IL31RA: variants seen among roughly 807,000 people sequenced by gnomAD.
IL31RA encodes the protein interleukin 31 receptor A.
Under a neutral mutation model 83.7 loss-of-function variants are expected in IL31RA, and 66 were observed. That is an observed-to-expected ratio of 0.79 (90% CI 0.65 to 0.97). The LOEUF is 0.97. Among genes scored for constraint, IL31RA ranks in the 50% least tolerant of loss-of-function variants. The probability of loss-of-function intolerance (pLI) is 0.00; values close to 1 mark genes in which losing one functional copy is unlikely to be tolerated. For synonymous variants in IL31RA, 325 were observed against 329.0 expected (o/e 0.99, Z 0.13); for missense variants, 798 against 919.4 (o/e 0.87, Z 1.71).
the IL31RA span, among the ~76,000 whole-genome samples, chr5:55,840,300 T>C: frequency 6.6e-6 from 1 of 152,210 alleles, no homozygotes. Context: ...ATTGGAACTT[T>C]TGAAAATTTT....
At chr5:55,892,395 A>C (rs6895614) in intron 6 of IL31RA, among the ~76,000 whole-genome samples, 4,720 of 152,212 alleles carry the variant, frequency 0.031, 143 homozygotes, top group African/African-American at 0.075. Flanking sequence ...TCTGGGGTCA[A>C]CTTCTGTGCT....
chr5:55,849,367 C>G (rs1031104829), upstream of IL31RA, among the ~76,000 whole-genome samples: 3 of 152,080 alleles, frequency 2.0e-5, no homozygotes, highest in African/African-American at 4.8e-5. Context: ...TATACACAAA[C>G]ACACACATAT....
the IL31RA span, among the ~76,000 whole-genome samples, chr5:55,840,394 C>G: frequency 6.6e-6 from 1 of 152,166 alleles, no homozygotes; most frequent in Non-Finnish European, 1.5e-5. Flanking sequence ...GGAGAGGAAT[C>G]AGTTGTATCA....
chr5:55,900,393 G>A (rs563824124), intron 8 of IL31RA, among the ~76,000 whole-genome samples: 1 of 152,282 alleles, frequency 6.6e-6, no homozygotes, highest in Non-Finnish European at 1.5e-5. Context: ...TAGAAGTTCT[G>A]TGTGCAGCTT....
chr5:55,874,645 A>C (rs1204201270), intron 4 of IL31RA, among the ~76,000 whole-genome samples: 2 of 152,036 alleles, frequency 1.3e-5, no homozygotes, highest in African/African-American at 4.8e-5. Context: ...TTGTAAATGG[A>C]ATTGCTTTCT....
At position 55,868,855 on chromosome 5, in the gene IL31RA, T is replaced by C; in HGVS notation, c.219T>C (p.Thr73=). 6.2e-7 allele frequency: 1 copy of C among 1,611,004 alleles called. No individual in the cohort carries two copies. Among genetic ancestry groups the C allele is most frequent in the Admixed American group, 1.7e-5 (1 of 60,022 alleles). Residue 73 remains threonine (T), a synonymous_variant, in exon 3 of 15, where the codon ACT becomes ACC. Transcript: ENST00000652347. ...VYYYRKNLTC[T]WSPGKETSYT... is the part of the protein sequence containing the mutation. ...ACTATAGGAAAAATTTAACCTGCAC[T>C]TGGAGTCCAGGAAAGGAAACCAGTT...
chr5:55,842,269 A>T, the IL31RA span, among the ~76,000 whole-genome samples: 1 of 152,198 alleles, frequency 6.6e-6, no homozygotes, highest in Non-Finnish European at 1.5e-5. Context: ...ATCCAGGATG[A>T]TCACATTTCG....
intron 5 of IL31RA, among the ~76,000 whole-genome samples, chr5:55,884,538 G>C (rs113043095): frequency 3.7e-4 from 57 of 152,264 alleles, no homozygotes; most frequent in African/African-American, 1.3e-3. Flanking sequence ...GGGCTCAAAC[G>C]ATCCTCCTGC....
In IL31RA at chr5:55,890,072, G is replaced by A. The variant is rs144829917; in HGVS notation, c.709G>A (p.Val237Ile). The change falls in exon 6 of 15, where the codon GTC (valine) becomes ATC (isoleucine). Residue 237 changes from valine to isoleucine, a missense_variant. By Grantham distance (29) the Val-to-Ile change is conservative. Coordinates refer to ENST00000652347, the MANE Select transcript of IL31RA (RefSeq NM_139017.7). ...ATATGTCATAGCTCTGCGATGTGCG[G>A]TCAAGGAGTCAAAGTTCTGGAGTGA... The part of the protein sequence containing the change: ...TEYVIALRCA[V>I]KESKFWSDWS... The A allele has an allele frequency of 2.6e-4, 414 of 1,613,892 alleles. 1 individual carries two copies. The highest frequency in any genetic ancestry group is 8.5e-4 in the Admixed American group (51 of 59,992).
rs775665297 is a variant in IL31RA, at chr5:55,908,502, A to C, written c.1501+91A>C. 2.5e-6 allele frequency: 4 copies of C among 1,612,314 alleles called. No homozygotes were observed. The African/African-American group carries it at 5.3e-5, about 22-fold the overall frequency. ...GTTGTAGGCATGGCTCCCCCATCTC[A>C]TTGTGACTTGCAACCTGGCATGAAT... is the stretch of plus-strand genomic sequence containing the variant. On this transcript the variant is annotated intron_variant, in intron 11 of 14. Transcript: ENST00000652347.
At chr5:55,856,656 A>C (rs1318141403) in intron 1 of IL31RA, among the ~76,000 whole-genome samples, 1 of 152,246 alleles carries the variant, frequency 6.6e-6, no homozygotes, top group African/African-American at 2.4e-5. Flanking sequence ...TCAGAGAATC[A>C]GAGCAATCAG....
chr5:55,917,378 C>T lies in IL31RA; in HGVS notation c.*258C>T, dbSNP rs1260761342. The T allele has an allele frequency of 1.0e-5, 13 of 1,290,978 alleles. No homozygotes were observed. The highest frequency in any genetic ancestry group is 1.6e-5 in the South Asian group (1 of 63,382). The allele number at this position is 1,290,978 out of a possible 1,614,324, so 80.0% of individuals were successfully genotyped here. ...GTTTGTTCAGATACCAAGCTCTCAC[C>T]GAGGCCTCCTGACAGATTGACTTTG... On this transcript the variant is annotated 3_prime_UTR_variant, in exon 15 of 15. Coordinates refer to ENST00000652347, the MANE Select transcript of IL31RA (RefSeq NM_139017.7).
intron 5 of IL31RA, among the ~76,000 whole-genome samples, chr5:55,885,944 TC>T (rs1747569528): frequency 6.6e-6 from 1 of 152,132 alleles, no homozygotes; most frequent in Non-Finnish European, 1.5e-5. Context: ...CTTAATTCCT[TC>T]TATTTGGCTG....
At chr5:55,900,194 C>T in intron 8 of IL31RA, 62 bp downstream of exon 8, 1 of 1,205,278 alleles carries the variant, frequency 8.3e-7, no homozygotes, top group Non-Finnish European at 1.2e-6. Flanking sequence ...AAGGAGCAGT[C>T]CCTGTGCTCT....
intron 12 of IL31RA, among the ~76,000 whole-genome samples, chr5:55,911,492 G>A (rs1749499621): frequency 6.6e-6 from 1 of 151,940 alleles, no homozygotes; most frequent in East Asian, 1.9e-4. Context: ...CATTTGTGGA[G>A]GTTTTTTTTG....
chr5:55,851,663 A>T, intron 1 of IL31RA, 30 bp downstream of exon 1: 1 of 1,613,792 alleles, frequency 6.2e-7, no homozygotes, highest in Non-Finnish European at 8.5e-7. Flanking sequence ...GTTACAAATA[A>T]TTCCTAGCAA....
intron 2 of IL31RA, 113 bp downstream of exon 2, chr5:55,859,712 G>C (rs1429099226): frequency 1.1e-5 from 9 of 806,480 alleles, no homozygotes; most frequent in Non-Finnish European, 1.7e-5. Context: ...GATAGAAAAG[G>C]GGACTTGTGA....
intron 6 of IL31RA, among the ~76,000 whole-genome samples, chr5:55,890,496 A>G (rs1202975937): frequency 6.6e-6 from 1 of 152,094 alleles, no homozygotes; most frequent in African/African-American, 2.4e-5. Context: ...CAGCCTCCCA[A>G]GTAGCTGGGA....
rs1747747652 is a variant in IL31RA at position 55,888,085 on chromosome 5, G to A, written c.607-1885G>A. Reference sequence around the variant, plus strand: ...AACCACACACACAGAATTTGATTTAGGTTTTGTATCAGAACTTCTGACTCA... The same window carrying A: ...AACCACACACACAGAATTTGATTTAAGTTTTGTATCAGAACTTCTGACTCA... On this transcript the variant is annotated intron_variant, in intron 5 of 14. Transcript: ENST00000652347. 1.3e-5 allele frequency among the ~76,000 whole-genome samples: 2 copies of A among 151,930 alleles called. 1 individual carries two copies. The highest frequency in any genetic ancestry group is 2.9e-5 in the Non-Finnish European group (2 of 67,984).
Sources: gnomAD v4.1 joint callset for allele counts (sites outside exome capture counted in the v4.1 genomes callset) on GRCh38, gnomAD v4.1.1 for gene constraint, MANE v1.5 for transcripts, NCBI Gene and HGNC (gene_info 2026-07-23, HGNC 2026-07-21) for gene names.